Variants in RNF168 observed in about 807,000 individuals in gnomAD.
RNF168 encodes E3 ubiquitin-protein ligase RNF168.
Under a neutral mutation model 34.9 loss-of-function variants are expected in RNF168, and 34 were observed. The observed-to-expected ratio is 0.97, with a 90% CI of 0.74 to 1.30. The LOEUF is 1.30. Ranked by LOEUF, RNF168 falls within the 50% of genes most tolerant of loss-of-function variation. RNF168 has a pLI of 0.00. For missense variants in RNF168, 725 were observed against 682.5 expected, an observed-to-expected ratio of 1.06 and a Z score of -0.69; for synonymous variants, 264 against 254.7, an observed-to-expected ratio of 1.04 and a Z score of -0.35.
At chr3:196,494,039 C>T (rs1163794563) in intron 1 of RNF168, among the ~76,000 whole-genome samples, 2 of 149,932 alleles carry the variant, frequency 1.3e-5, no homozygotes, top group African/African-American at 2.5e-5. Context: ...TTTTTGTAGA[C>T]GGTTTTGCCC....
intron 1 of RNF168, among the ~76,000 whole-genome samples, chr3:196,490,126 C>T (rs981624204): frequency 3.9e-5 from 6 of 152,088 alleles, no homozygotes; most frequent in African/African-American, 1.4e-4. Flanking sequence ...AAAAGCTAAT[C>T]CAAGGATCGT....
At chr3:196,479,316 T>C (rs1732233168) in intron 4 of RNF168, among the ~76,000 whole-genome samples, 1 of 147,508 alleles carries the variant, frequency 6.8e-6, no homozygotes. Context: ...CCTGGCTTCA[T>C]TATTTTTTAA....
At chr3:196,487,221 T>C (rs773591466) in intron 3 of RNF168, among the ~76,000 whole-genome samples, 178 bp downstream of exon 3, 9 of 152,226 alleles carry the variant, frequency 5.9e-5, no homozygotes, top group Non-Finnish European at 1.0e-4. Context: ...TGTTAATAGT[T>C]AGCTTTCCGT....
chr3:196,483,704 A>G, intron 4 of RNF168, 66 bp downstream of exon 4: 2 of 1,349,190 alleles, frequency 1.5e-6, no homozygotes, highest in Non-Finnish European at 2.1e-6. Flanking sequence ...GTAGTAGTCT[A>G]TATGAACAGA....
At position 196,471,388 on chromosome 3, in the gene RNF168, A is replaced by G. The variant is rs1269815969; in HGVS notation, c.*431T>C. On this transcript the variant is annotated 3_prime_UTR_variant, in exon 6 of 6. Transcript: ENST00000318037. Reference sequence around the variant, plus strand: ...AAAACCTTTTGAGTACTCTGTAAACATTGGACAATAGCAAGAAAATGGATT... The same window carrying G: ...AAAACCTTTTGAGTACTCTGTAAACGTTGGACAATAGCAAGAAAATGGATT... The G allele has an allele frequency of 6.1e-6, 1 of 162,882 alleles. No individual in the cohort carries two copies. Among genetic ancestry groups the G allele is most frequent in the Non-Finnish European group, 1.3e-5 (1 of 74,616 alleles). 10.1% of individuals were successfully genotyped at this position (162,882 alleles called of 1,614,324 possible). A position where few individuals can be genotyped will look rare whatever the true frequency, so the allele number is the denominator to read the frequency against.
chr3:196,481,049 A>G (rs1284282468), intron 4 of RNF168, among the ~76,000 whole-genome samples: 2 of 152,210 alleles, frequency 1.3e-5, no homozygotes, highest in African/African-American at 4.8e-5. Flanking sequence ...TACAGATTTT[A>G]TATCTGGCAA....
At chr3:196,479,606 C>CTT (rs144592329) in intron 4 of RNF168, among the ~76,000 whole-genome samples, 1 of 148,208 alleles carries the variant, frequency 6.7e-6, no homozygotes, top group African/African-American at 2.5e-5. Flanking sequence ...CAGCCTCACG[C>CTT]TTTTTTTTTT....
chr3:196,472,095 G>T lies in RNF168; in HGVS notation c.1440C>A (p.Ser480=), dbSNP rs1347211522. 2 of 1,613,440 alleles carry T rather than the reference G, an allele frequency of 1.2e-6. No individual in the cohort carries two copies. Among genetic ancestry groups the T allele is most frequent in the Non-Finnish European group, 1.7e-6 (2 of 1,179,740 alleles). ...CATTTAGCACTTTGTCTGGAGGGGA[G>T]GATGTAGCGCGTAAGTGATACTCAT... ...SPDEYHLRAT[S]SPPDKVLNGQ... The change falls in exon 6 of 6, where the codon TCC becomes TCA. Residue 480 remains serine (S), a synonymous_variant. Coordinates refer to ENST00000318037, the MANE Select transcript of RNF168 (RefSeq NM_152617.4).
intron 1 of RNF168, among the ~76,000 whole-genome samples, chr3:196,493,556 G>A (rs1018134542): frequency 2.0e-5 from 3 of 150,750 alleles, no homozygotes; most frequent in South Asian, 2.1e-4. Flanking sequence ...ACGGAGTTTC[G>A]CTCTTGTTGC....
intron 1 of RNF168, 140 bp downstream of exon 1, chr3:196,502,733 C>T (rs1252003157): frequency 1.3e-6 from 1 of 770,838 alleles, no homozygotes; most frequent in Non-Finnish European, 2.3e-6. Context: ...GACCCATAAA[C>T]CCCCTAACCT....
At position 196,471,751 on chromosome 3, in the gene RNF168, A is replaced by G; in HGVS notation, c.*68T>C. The G allele has an allele frequency of 9.8e-7, 1 of 1,018,822 alleles. No individual in the cohort carries two copies. Among genetic ancestry groups the G allele is most frequent in the Non-Finnish European group, 1.6e-6 (1 of 639,946 alleles). The allele number at this position is 1,018,822 out of a possible 1,614,324, so 63.1% of individuals were successfully genotyped here. ...CAGCATGAATGACACATGGATGAAG[A>G]TTCCATGATAGGAAAGAGCTTCACA... On this transcript the variant is annotated 3_prime_UTR_variant, in exon 6 of 6. Coordinates refer to ENST00000318037, the MANE Select transcript of RNF168 (RefSeq NM_152617.4).
Position 196,487,583 on chromosome 3 carries a change from A to G in RNF168, c.379-5T>C, listed in dbSNP as rs761017486. On this transcript the variant is annotated splice_polypyrimidine_tract_variant and splice_region_variant and intron_variant, in intron 2 of 5. Coordinates refer to ENST00000318037, the MANE Select transcript of RNF168 (RefSeq NM_152617.4). ...GGCCCGTCGCTCTGCCGCCACCTTA[A>G]AAGTGATTAATAAAGAGCAATCCTT... 4.2e-5 allele frequency: 68 copies of G among 1,613,706 alleles called. No homozygotes were observed. Among genetic ancestry groups the G allele is most frequent in the Non-Finnish European group, 5.5e-5 (65 of 1,179,764 alleles).
chr3:196,495,619 T>C (rs540714390), intron 1 of RNF168, among the ~76,000 whole-genome samples: 1 of 152,354 alleles, frequency 6.6e-6, no homozygotes, highest in South Asian at 2.1e-4. Flanking sequence ...GCAATGTTTG[T>C]TTGTTCCATG....
In RNF168 at chr3:196,469,288, G is replaced by A. The variant is rs1272998421; in HGVS notation, c.*2531C>T. Reference sequence around the variant, plus strand: ...TTTATTTTTACTTAACGACCCATGTGATAGTATAGTTGCAAGCTATACTTC... The same window carrying A: ...TTTATTTTTACTTAACGACCCATGTAATAGTATAGTTGCAAGCTATACTTC... On this transcript the variant is annotated 3_prime_UTR_variant, in exon 6 of 6. Transcript: ENST00000318037. 5 of 152,170 alleles carry A rather than the reference G, an allele frequency of 3.3e-5. No individual in the cohort carries two copies. The highest frequency in any genetic ancestry group is 5.9e-5 in the Non-Finnish European group (4 of 68,026). 9.4% of individuals were successfully genotyped at this position (152,170 alleles called of 1,614,324 possible).
Position 196,473,918 on chromosome 3 carries a change from T to C in RNF168, c.763-1146A>G, listed in dbSNP as rs1732075537. Among the ~76,000 whole-genome samples the C allele has an allele frequency of 2.0e-5, 3 of 152,118 alleles. No individual in the cohort carries two copies. In the South Asian group the frequency reaches 6.2e-4, roughly 31 times the overall value. ...TCTATAAGTAACTTGACTGGGTGTA[T>C]TTCTCACCAAGACCCCTGGAAGCTA... On this transcript the variant is annotated intron_variant, in intron 5 of 5. Coordinates refer to ENST00000318037, the MANE Select transcript of RNF168 (RefSeq NM_152617.4).
At chr3:196,492,865 A>T (rs1470946664) in intron 1 of RNF168, among the ~76,000 whole-genome samples, 1 of 152,108 alleles carries the variant, frequency 6.6e-6, no homozygotes, top group African/African-American at 2.4e-5. Flanking sequence ...AATAGTACGT[A>T]TATCAATGTG....
chr3:196,490,135 G>A (rs186710805), intron 1 of RNF168, among the ~76,000 whole-genome samples: 222 of 152,204 alleles, frequency 1.5e-3, no homozygotes, highest in African/African-American at 5.2e-3. Context: ...TCCAAGGATC[G>A]TCAGACATTT....
intron 4 of RNF168, among the ~76,000 whole-genome samples, chr3:196,480,821 T>C (rs1374066350): frequency 1.3e-5 from 2 of 152,138 alleles, no homozygotes; most frequent in African/African-American, 4.8e-5. Context: ...TTTTTAATTT[T>C]TTTTTAAGAG....
At chr3:196,483,923 A>G (rs781704081) in intron 3 of RNF168, 32 bp from the exon 4 acceptor site, 2 of 1,537,500 alleles carry the variant, frequency 1.3e-6, no homozygotes, top group Admixed American at 3.3e-5. Flanking sequence ...AACAGACATT[A>G]TGAGAGAGAA....
Sources: gnomAD v4.1 joint callset for allele counts (sites outside exome capture counted in the v4.1 genomes callset) on GRCh38, gnomAD v4.1.1 for gene constraint, MANE v1.5 for transcripts, NCBI Gene and HGNC (gene_info 2026-07-23, HGNC 2026-07-21) for gene names.